Variants in KHDRBS2 observed in about 807,000 individuals in gnomAD.
The protein encoded by KHDRBS2 is KH RNA binding domain containing, signal transduction associated 2.
In KHDRBS2, 26 loss-of-function variants were observed where a neutral mutation model predicts 44.3. The observed-to-expected ratio is 0.59, with a 90% CI of 0.43 to 0.81. The LOEUF (loss-of-function observed/expected upper bound fraction) is 0.81. Among genes scored for constraint, KHDRBS2 ranks in the 40% least tolerant of loss-of-function variants. The pLI, the probability that KHDRBS2 is intolerant of heterozygous loss-of-function variation, is 0.00. For synonymous variants in KHDRBS2, 194 were observed against 151.1 expected, an observed-to-expected ratio of 1.28 and a Z score of -2.08; for missense variants, 476 against 433.1, an observed-to-expected ratio of 1.10 and a Z score of -0.88.
intron 1 of KHDRBS2, among the ~76,000 whole-genome samples, chr6:62,284,779 C>T (rs1842251023): frequency 6.6e-6 from 1 of 151,944 alleles, no homozygotes; most frequent in East Asian, 1.9e-4. Flanking sequence ...ATAGCTAATG[C>T]CTATTTAAAT....
At position 62,067,441 on chromosome 6, in the gene KHDRBS2, T is replaced by G. The variant is rs572955300; in HGVS notation, c.220-19447A>C. 1.3e-3 allele frequency among the ~76,000 whole-genome samples: 204 copies of G among 151,662 alleles called. 2 individuals carry two copies. The highest frequency in any genetic ancestry group is 2.7e-3 in the Non-Finnish European group (181 of 67,676). On this transcript the variant is annotated intron_variant, in intron 2 of 8. Transcript: ENST00000281156. Reference sequence around the variant, plus strand: ...TAATTAAGAGCTCTGCTGATAAATTTAAATTGTCATGGCTGCTAACTCTTC... The same window carrying G: ...TAATTAAGAGCTCTGCTGATAAATTGAAATTGTCATGGCTGCTAACTCTTC...
rs1562490737 is a variant in KHDRBS2, at chr6:61,945,130, T to TAC, written c.483+32935_483+32936insGT. On this transcript the variant is annotated intron_variant, in intron 4 of 8. Coordinates refer to ENST00000281156, the MANE Select transcript of KHDRBS2 (RefSeq NM_152688.4). ...AAAAAAAAGTATATATATATATATATATATATATATATATATATATACACA... is the reference window on the plus strand; with the variant it reads ...AAAAAAAAGTATATATATATATATATACATATATATATATATATATATACACA... 4.1e-4 allele frequency among the ~76,000 whole-genome samples: 39 copies of TAC among 95,476 alleles called. 4 individuals carry two copies. Among genetic ancestry groups the TAC allele is most frequent in the African/African-American group, 1.5e-3 (37 of 25,234 alleles). The allele number at this position is 95,476 out of a possible 152,430, so 62.6% of individuals were successfully genotyped here.
intron 6 of KHDRBS2, among the ~76,000 whole-genome samples, chr6:61,877,442 T>C (rs957645225): frequency 3.3e-5 from 5 of 150,552 alleles, no homozygotes; most frequent in South Asian, 2.1e-4. Context: ...GTTTTTTTTT[T>C]GTTTTTGTTT....
intron 3 of KHDRBS2, among the ~76,000 whole-genome samples, chr6:62,004,949 G>T (rs973231248): frequency 6.6e-6 from 1 of 152,054 alleles, no homozygotes; most frequent in Non-Finnish European, 1.5e-5. Context: ...AAAGGCCTTC[G>T]ACAAAATTCA....
rs79599025 is a variant in KHDRBS2 at position 61,694,991 on chromosome 6, C to G, written c.952+2204G>C. 9.0e-3 allele frequency among the ~76,000 whole-genome samples: 1,376 copies of G among 152,086 alleles called. 10 individuals are homozygous for G. Among genetic ancestry groups the G allele is most frequent in the Middle Eastern group, 0.01 (3 of 294 alleles). ...TTTGGGAGAGAGTAAGCCTGGTGCT[C>G]ATTTTGGATTAATTATTTACTTTTT... On this transcript the variant is annotated intron_variant, in intron 8 of 8. Coordinates refer to ENST00000281156, the MANE Select transcript of KHDRBS2 (RefSeq NM_152688.4).
intron 6 of KHDRBS2, among the ~76,000 whole-genome samples, chr6:61,738,170 CTTAAG>C (rs1329124301): frequency 2.0e-5 from 3 of 151,914 alleles, no homozygotes; most frequent in Non-Finnish European, 2.9e-5. Context: ...TACTTTATTA[CTTAAG>C]TTATCAGTCC....
the KHDRBS2 span, among the ~76,000 whole-genome samples, chr6:61,655,701 T>C: frequency 6.6e-6 from 1 of 152,108 alleles, no homozygotes. Flanking sequence ...GATTTATTTT[T>C]CTCTAAAAGA....
At chr6:61,730,630 A>G (rs1221381194) in intron 7 of KHDRBS2, among the ~76,000 whole-genome samples, 1 of 152,116 alleles carries the variant, frequency 6.6e-6, no homozygotes, top group African/African-American at 2.4e-5. Flanking sequence ...CACAATAAAG[A>G]AAATACTTTT....
the KHDRBS2 span, among the ~76,000 whole-genome samples, chr6:61,631,049 T>G: frequency 6.6e-6 from 1 of 151,894 alleles, no homozygotes; most frequent in African/African-American, 2.4e-5. Context: ...TTGATCCAAA[T>G]TTTGGAAGTG....
chr6:62,051,750 G>T (rs945630660), intron 2 of KHDRBS2, among the ~76,000 whole-genome samples: 6 of 151,640 alleles, frequency 4.0e-5, no homozygotes, highest in African/African-American at 1.5e-4. Context: ...TCTATTAAGG[G>T]TTATTATTCA....
intron 7 of KHDRBS2, among the ~76,000 whole-genome samples, chr6:61,703,932 G>A (rs1769079868): frequency 6.6e-6 from 1 of 151,830 alleles, no homozygotes; most frequent in Admixed American, 6.6e-5. Flanking sequence ...GAACATCTAT[G>A]ATTCCCAGTG....
At chr6:61,618,218 A>G in the KHDRBS2 span, among the ~76,000 whole-genome samples, 28 of 152,146 alleles carry the variant, frequency 1.8e-4, no homozygotes, top group Non-Finnish European at 3.4e-4. Flanking sequence ...TTTGAGTCCA[A>G]TTCTGTACCA....
intron 3 of KHDRBS2, among the ~76,000 whole-genome samples, chr6:62,032,076 G>A (rs1311406912): frequency 1.3e-5 from 2 of 152,074 alleles, no homozygotes; most frequent in African/African-American, 4.8e-5. Flanking sequence ...TAAAGGAAGA[G>A]AACATAAGTC....
At chr6:61,547,622 G>T in the KHDRBS2 span, among the ~76,000 whole-genome samples, 1 of 151,984 alleles carries the variant, frequency 6.6e-6, no homozygotes, top group Non-Finnish European at 1.5e-5. Context: ...CTTAATCCCT[G>T]GTTTGCATCA....
At chr6:61,663,054 G>A in the KHDRBS2 span, among the ~76,000 whole-genome samples, 5 of 151,796 alleles carry the variant, frequency 3.3e-5, no homozygotes, top group African/African-American at 7.3e-5. Context: ...AATACACCAC[G>A]GAATACTATG....
At chr6:62,075,075 TAAA>T (rs1409086873) in intron 2 of KHDRBS2, among the ~76,000 whole-genome samples, 1 of 151,938 alleles carries the variant, frequency 6.6e-6, no homozygotes, top group Non-Finnish European at 1.5e-5. Context: ...TTACATTTTG[TAAA>T]TAGAGTAGTT....
At chr6:61,956,196 A>C (rs79305875) in intron 4 of KHDRBS2, among the ~76,000 whole-genome samples, 8,924 of 151,298 alleles carry the variant, frequency 0.059, 302 homozygotes, top group Middle Eastern at 0.14. Flanking sequence ...CCTTGTCAAA[A>C]AAAAACAAAA....
intron 8 of KHDRBS2, among the ~76,000 whole-genome samples, chr6:61,694,093 G>C (rs957030875): frequency 2.6e-5 from 4 of 152,008 alleles, no homozygotes; most frequent in African/African-American, 4.8e-5. Flanking sequence ...TCCTCAAATT[G>C]ATGTAGCAAG....
chr6:62,178,717 GT>G (rs562061814), intron 1 of KHDRBS2, among the ~76,000 whole-genome samples: 2 of 151,334 alleles, frequency 1.3e-5, no homozygotes, highest in Non-Finnish European at 3.0e-5. Context: ...TTACCTTTAT[GT>G]TTTTTATATA....
Sources: gnomAD v4.1 joint callset for allele counts (sites outside exome capture counted in the v4.1 genomes callset) on GRCh38, gnomAD v4.1.1 for gene constraint, MANE v1.5 for transcripts, NCBI Gene and HGNC (gene_info 2026-07-23, HGNC 2026-07-21) for gene names.